Variants in CNOT6 observed in about 807,000 individuals in gnomAD.
CNOT6 encodes the protein CCR4-NOT transcription complex subunit 6, also known as carbon catabolite repression 4 protein.
CNOT6 carries 12 observed loss-of-function variants against 61.2 expected under a neutral mutation model. That is an observed-to-expected ratio of 0.20 (90% CI 0.13 to 0.32). The LOEUF is 0.32. Ranked by LOEUF, CNOT6 falls within the 10% of genes least tolerant of loss-of-function variation. The probability of loss-of-function intolerance (pLI) is 1.00; values close to 1 mark genes in which losing one functional copy is unlikely to be tolerated. For missense variants in CNOT6, 405 were observed against 663.9 expected, an observed-to-expected ratio of 0.61 and a Z score of 4.28; for synonymous variants, 225 against 240.6, an observed-to-expected ratio of 0.94 and a Z score of 0.60.
At chr5:180,498,845 G>A (rs1756737009) in intron 1 of CNOT6, among the ~76,000 whole-genome samples, 1 of 152,102 alleles carries the variant, frequency 6.6e-6, no homozygotes, top group African/African-American at 2.4e-5. Context: ...CTTGGAGTGC[G>A]GTGGCGCGAT....
intron 1 of CNOT6, among the ~76,000 whole-genome samples, chr5:180,507,355 A>T (rs1448433942): frequency 6.6e-6 from 1 of 152,124 alleles, no homozygotes; most frequent in Non-Finnish European, 1.5e-5. Context: ...ATCCCAACAC[A>T]TTGGGAGGCC....
intron 2 of CNOT6, among the ~76,000 whole-genome samples, chr5:180,538,413 C>A (rs925277579): frequency 1.4e-5 from 2 of 145,610 alleles, no homozygotes; most frequent in African/African-American, 2.5e-5. Context: ...AGGCCAGGCG[C>A]GGTGGCTCAC....
At chr5:180,555,981 A>G (rs1759866925) in intron 4 of CNOT6, among the ~76,000 whole-genome samples, 1 of 152,112 alleles carries the variant, frequency 6.6e-6, no homozygotes, top group South Asian at 2.1e-4. Context: ...GTGCCCATTC[A>G]CTTTTTTTCC....
At chr5:180,545,367 A>G (rs1254083600) in intron 2 of CNOT6, among the ~76,000 whole-genome samples, 2 of 152,050 alleles carry the variant, frequency 1.3e-5, no homozygotes, top group African/African-American at 4.8e-5. Flanking sequence ...TTCTATAACC[A>G]TAGATTAGTA....
chr5:180,544,184 C>G (rs939743749), intron 2 of CNOT6, among the ~76,000 whole-genome samples: 6 of 152,128 alleles, frequency 3.9e-5, no homozygotes, highest in African/African-American at 1.4e-4. Flanking sequence ...TTTCTTTTCT[C>G]TCATTATAAA....
intron 1 of CNOT6, among the ~76,000 whole-genome samples, chr5:180,507,432 T>C (rs1757176282): frequency 6.6e-6 from 1 of 152,160 alleles, no homozygotes; most frequent in African/African-American, 2.4e-5. Flanking sequence ...AAACCCCGTC[T>C]CTACTAAAAA....
rs56899929 is a variant in CNOT6 at position 180,510,134 on chromosome 5, C to CTTTTTTTTT, written c.-3+15398_-3+15406dup. ...TAAATGAGGTTTATCGTCTGTAAAC[C>CTTTTTTTTT]TTTTTTTTTTTTTTTTTTTTTTTTT... On this transcript the variant is annotated intron_variant, in intron 1 of 11. Coordinates refer to ENST00000261951, the MANE Select transcript of CNOT6 (RefSeq NM_001370472.1). Among the ~76,000 whole-genome samples the CTTTTTTTTT allele has an allele frequency of 7.8e-4, 29 of 37,382 alleles. 4 individuals are homozygous for CTTTTTTTTT. Among genetic ancestry groups the CTTTTTTTTT allele is most frequent in the Admixed American group, 5.0e-3 (9 of 1,816 alleles). The allele number at this position is 37,382 out of a possible 152,430, so 24.5% of individuals were successfully genotyped here.
At chr5:180,498,854 A>G (rs1174485715) in intron 1 of CNOT6, among the ~76,000 whole-genome samples, 1 of 152,142 alleles carries the variant, frequency 6.6e-6, no homozygotes, top group Non-Finnish European at 1.5e-5. Context: ...CGGTGGCGCG[A>G]TCTCGGCCCA....
intron 4 of CNOT6, among the ~76,000 whole-genome samples, chr5:180,556,734 C>T (rs549886166): frequency 1.3e-4 from 20 of 152,166 alleles, no homozygotes; most frequent in Admixed American, 5.9e-4. Flanking sequence ...AGGCAGATCA[C>T]GAGGTCAGGG....
chr5:180,553,446 T>C lies in CNOT6; in HGVS notation c.360T>C (p.Phe120=), dbSNP rs372696271. ...TACCTTTTGAGCTGGGAAAACTGTT[T>C]CAGTTGCAGACTTTAGGCCTGAAAG... ...RVLPFELGKL[F]QLQTLGLKGN... The change falls in exon 4 of 12, where the codon TTT becomes TTC. Residue 120 remains phenylalanine, a synonymous_variant. Coordinates refer to ENST00000261951, the MANE Select transcript of CNOT6 (RefSeq NM_001370472.1). 29 of 1,613,794 alleles carry C rather than the reference T, an allele frequency of 1.8e-5. No homozygotes were observed. Among genetic ancestry groups the C allele is most frequent in the African/African-American group, 2.7e-5 (2 of 74,930 alleles).
At chr5:180,495,032 C>A (rs2127683428) in intron 1 of CNOT6, among the ~76,000 whole-genome samples, 1 of 152,238 alleles carries the variant, frequency 6.6e-6, no homozygotes, top group Admixed American at 6.5e-5. Context: ...AGGGTCGGCG[C>A]TGGGCTCCCG....
At chr5:180,572,954 G>C (rs1760824360) in intron 11 of CNOT6, among the ~76,000 whole-genome samples, 2 of 152,160 alleles carry the variant, frequency 1.3e-5, no homozygotes, top group African/African-American at 4.8e-5. Flanking sequence ...TAATCATTTA[G>C]ATTAGACTGT....
rs1173859619 is a variant in CNOT6, at chr5:180,562,705, A to G, written c.386-1784A>G. On this transcript the variant is annotated intron_variant, in intron 4 of 11. Coordinates refer to ENST00000261951, the MANE Select transcript of CNOT6 (RefSeq NM_001370472.1). ...CGGTGAGCCGAGATGGTGCCACTGCACTCCAGCCTGGGCAACAGAGCGAGA... is the reference window on the plus strand; with the variant it reads ...CGGTGAGCCGAGATGGTGCCACTGCGCTCCAGCCTGGGCAACAGAGCGAGA... 5.3e-5 allele frequency among the ~76,000 whole-genome samples: 8 copies of G among 152,228 alleles called. No homozygotes were observed. The East Asian group carries it at 5.8e-4, about 11-fold the overall frequency.
At chr5:180,519,421 G>A (rs1468310537) in intron 1 of CNOT6, among the ~76,000 whole-genome samples, 1 of 152,174 alleles carries the variant, frequency 6.6e-6, no homozygotes, top group East Asian at 1.9e-4. Context: ...GTGATAATGA[G>A]TACTTATTTA....
intron 11 of CNOT6, among the ~76,000 whole-genome samples, chr5:180,572,657 C>T (rs1425136308): frequency 3.3e-5 from 5 of 152,194 alleles, no homozygotes; most frequent in African/African-American, 1.2e-4. Context: ...TCAGGCAACC[C>T]TCCTGCCTCA....
At chr5:180,541,365 C>T (rs553312263) in intron 2 of CNOT6, among the ~76,000 whole-genome samples, 1 of 151,298 alleles carries the variant, frequency 6.6e-6, no homozygotes, top group South Asian at 2.1e-4. Context: ...CCTCGAACTC[C>T]TGACCTCGTG....
At chr5:180,528,749 A>G (rs1169603713) in intron 1 of CNOT6, among the ~76,000 whole-genome samples, 2 of 152,164 alleles carry the variant, frequency 1.3e-5, no homozygotes, top group Non-Finnish European at 2.9e-5. Flanking sequence ...TGGTCAGTGG[A>G]AGCTTCTTCA....
At position 180,547,900 on chromosome 5, in the gene CNOT6, AT is replaced by A. The variant is rs548875069; in HGVS notation, c.113-2026del. Among the ~76,000 whole-genome samples the A allele has an allele frequency of 3.9e-4, 59 of 152,016 alleles. No homozygotes were observed. In the East Asian group the frequency reaches 0.01, roughly 27 times the overall value. On this transcript the variant is annotated intron_variant, in intron 2 of 11. Coordinates refer to ENST00000261951, the MANE Select transcript of CNOT6 (RefSeq NM_001370472.1). Reference sequence around the variant, plus strand: ...AGGCGCCCACCAGCATACCTGGCTAATTTTTGTATTTTTAGCAGAGATGGGG... The same window carrying A: ...AGGCGCCCACCAGCATACCTGGCTAATTTTGTATTTTTAGCAGAGATGGGG...
intron 1 of CNOT6, among the ~76,000 whole-genome samples, chr5:180,509,674 C>G (rs1324741464): frequency 6.6e-6 from 1 of 151,750 alleles, no homozygotes; most frequent in African/African-American, 2.4e-5. Flanking sequence ...CTCGGCCTCC[C>G]AAGGTGCCGG....
Sources: allele counts gnomAD v4.1 joint callset (sites outside exome capture counted in the v4.1 genomes callset), GRCh38; gene constraint gnomAD v4.1.1; transcripts MANE v1.5; gene names NCBI Gene and HGNC (gene_info 2026-07-23, HGNC 2026-07-21).